The following ANKRD22 variants were observed in gnomAD, a reference collection of about 807,000 sequenced individuals.
ANKRD22 encodes the protein ankyrin repeat domain-containing protein 22.
ANKRD22 carries 24 observed loss-of-function variants against 25.7 expected under a neutral mutation model. That is an observed-to-expected ratio of 0.93 (90% CI 0.68 to 1.31). ANKRD22 has a LOEUF of 1.31. Ranked by LOEUF, ANKRD22 falls within the 50% of genes most tolerant of loss-of-function variation. ANKRD22 has a pLI of 0.00. For synonymous variants in ANKRD22, 84 were observed against 84.3 expected, an observed-to-expected ratio of 1.00 and a Z score of 0.02; for missense variants, 214 against 227.1, an observed-to-expected ratio of 0.94 and a Z score of 0.37.
rs1228977834 is a variant in ANKRD22 at position 88,822,863 on chromosome 10, C to A, written c.*78G>T. ...ATGGTGGCATCCAGGTTAAATGGCC[C>A]ACAGACCAAAAGTCTAAAATGAAGA... On this transcript the variant is annotated 3_prime_UTR_variant, in exon 6 of 6. Coordinates refer to ENST00000371930, the MANE Select transcript of ANKRD22 (RefSeq NM_144590.3). 1.5e-6 allele frequency: 2 copies of A among 1,352,646 alleles called. No homozygotes were observed. Among genetic ancestry groups the A allele is most frequent in the Admixed American group, 1.8e-5 (1 of 55,008 alleles). 83.8% of individuals were successfully genotyped at this position (1,352,646 alleles called of 1,614,324 possible). A position where few individuals can be genotyped will look rare whatever the true frequency, so the allele number is the denominator to read the frequency against.
chr10:88,829,310 G>A (rs925739669), intron 2 of ANKRD22, among the ~76,000 whole-genome samples: 24 of 152,344 alleles, frequency 1.6e-4, no homozygotes, highest in East Asian at 1.9e-4. Context: ...AAATCAGTAA[G>A]AGGAGAGGGA....
intron 1 of ANKRD22, among the ~76,000 whole-genome samples, chr10:88,834,928 C>CAAAAAAAGAA (rs1843939410): frequency 6.7e-6 from 1 of 149,438 alleles, no homozygotes; most frequent in Non-Finnish European, 1.5e-5. Context: ...AACTCTGCCT[C>CAAAAAAAGAA]AAAAAAAGAA....
chr10:88,820,619 C>T lies in ANKRD22; in HGVS notation c.*2322G>A, dbSNP rs143601234. Reference sequence around the variant, plus strand: ...CATTTTTCAGATTCCCTGCACTTGGCACTAAATCCGACACTTACATTTACA... The same window carrying T: ...CATTTTTCAGATTCCCTGCACTTGGTACTAAATCCGACACTTACATTTACA... On this transcript the variant is annotated 3_prime_UTR_variant, in exon 6 of 6. Coordinates refer to ENST00000371930, the MANE Select transcript of ANKRD22 (RefSeq NM_144590.3). 4 of 990,992 alleles carry T rather than the reference C, an allele frequency of 4.0e-6. No individual in the cohort carries two copies. The highest frequency in any genetic ancestry group is 3.3e-5 in the African/African-American group (2 of 61,276). The allele number at this position is 990,992 out of a possible 1,614,324, so 61.4% of individuals were successfully genotyped here.
At chr10:88,847,892 C>G (rs1346329933) in intron 1 of ANKRD22, among the ~76,000 whole-genome samples, 1 of 151,882 alleles carries the variant, frequency 6.6e-6, no homozygotes, top group African/African-American at 2.4e-5. Context: ...ATTTTTTACC[C>G]TTTGTGGACT....
At chr10:88,839,201 C>G (rs1450842988) in intron 1 of ANKRD22, among the ~76,000 whole-genome samples, 2 of 152,140 alleles carry the variant, frequency 1.3e-5, no homozygotes, top group Non-Finnish European at 2.9e-5. Flanking sequence ...TGAATCACCT[C>G]CTCAGAGAGG....
intron 4 of ANKRD22, among the ~76,000 whole-genome samples, chr10:88,825,007 T>TCACACA (rs568461484): frequency 0.028 from 3,251 of 115,294 alleles, 57 homozygotes; most frequent in South Asian, 0.097. Flanking sequence ...TCTCTCTCTC[T>TCACACA]CTCTCACACA....
intron 1 of ANKRD22, among the ~76,000 whole-genome samples, chr10:88,832,587 G>A (rs1247677343): frequency 6.6e-6 from 1 of 150,898 alleles, no homozygotes. Flanking sequence ...CAAGCATATG[G>A]GGAGGAGTTT....
intron 1 of ANKRD22, among the ~76,000 whole-genome samples, chr10:88,850,151 G>A (rs1438277075): frequency 2.6e-5 from 4 of 151,682 alleles, no homozygotes; most frequent in African/African-American, 9.7e-5. Context: ...AGTAGGCTAT[G>A]TTTAAATATT....
At chr10:88,824,225 T>A (rs943198121) in intron 4 of ANKRD22, among the ~76,000 whole-genome samples, 1 of 152,222 alleles carries the variant, frequency 6.6e-6, no homozygotes, top group African/African-American at 2.4e-5. Context: ...TCTACTCTGT[T>A]GGTACTAATT....
At chr10:88,834,092 C>T (rs895376788) in intron 1 of ANKRD22, among the ~76,000 whole-genome samples, 1 of 152,184 alleles carries the variant, frequency 6.6e-6, no homozygotes, top group African/African-American at 2.4e-5. Flanking sequence ...TGCTGGAGTC[C>T]AGGGTTATGT....
intron 2 of ANKRD22, 110 bp downstream of exon 2, chr10:88,831,725 G>T: frequency 9.1e-7 from 1 of 1,098,882 alleles, no homozygotes; most frequent in East Asian, 2.6e-5. Flanking sequence ...ATAATTGTTC[G>T]TATTAGGAGC....
chr10:88,825,983 A>G, intron 4 of ANKRD22, 55 bp downstream of exon 4: 2 of 1,386,762 alleles, frequency 1.4e-6, no homozygotes, highest in Non-Finnish European at 2.0e-6. Context: ...CAAATACGCT[A>G]CCTACAAATA....
chr10:88,827,346 A>G (rs1843864910), intron 3 of ANKRD22, among the ~76,000 whole-genome samples: 1 of 152,226 alleles, frequency 6.6e-6, no homozygotes, highest in Non-Finnish European at 1.5e-5. Flanking sequence ...ACTAGAGTTG[A>G]GCTATTCATT....
intron 3 of ANKRD22, among the ~76,000 whole-genome samples, chr10:88,826,876 T>C (rs1843860713): frequency 6.6e-6 from 1 of 152,246 alleles, no homozygotes; most frequent in Admixed American, 6.5e-5. Flanking sequence ...TAAAAAACTA[T>C]GCCTATTTTG....
chr10:88,820,924 T>C lies in ANKRD22; in HGVS notation c.*2017A>G. ...AAATAAGCTAGACATTTTCACCTTG[T>C]TGCCACAGAGACATAACACTACCTC... is the stretch of plus-strand genomic sequence containing the variant. On this transcript the variant is annotated 3_prime_UTR_variant, in exon 6 of 6. Transcript: ENST00000371930. Among the ~76,000 whole-genome samples, 1 of 152,342 alleles carries C rather than the reference T, an allele frequency of 6.6e-6. No individual in the cohort carries two copies. The highest frequency in any genetic ancestry group is 1.9e-4 in the East Asian group (1 of 5,186).
At chr10:88,823,598 C>T (rs930320414) in intron 4 of ANKRD22, 59 of 429,202 alleles carry the variant, frequency 1.4e-4, no homozygotes, top group South Asian at 6.0e-4. Flanking sequence ...GAGGCCGAGG[C>T]GGGCGGATCA....
intron 2 of ANKRD22, among the ~76,000 whole-genome samples, chr10:88,830,742 C>T (rs1843895609): frequency 6.6e-6 from 1 of 152,192 alleles, no homozygotes; most frequent in Non-Finnish European, 1.5e-5. Flanking sequence ...CTCAGCCTTG[C>T]CCATGGGCTA....
At chr10:88,834,877 C>T (rs925528673) in intron 1 of ANKRD22, among the ~76,000 whole-genome samples, 4 of 151,776 alleles carry the variant, frequency 2.6e-5, no homozygotes, top group African/African-American at 4.8e-5. Context: ...GGCAGTGAGC[C>T]GAAATCGCGC....
chr10:88,820,524 AG>A lies in ANKRD22; in HGVS notation c.*2416del. The A allele has an allele frequency of 6.5e-7, 1 of 1,542,664 alleles. No individual in the cohort carries two copies. The highest frequency in any genetic ancestry group is 1.2e-5 in the South Asian group (1 of 83,230). On this transcript the variant is annotated 3_prime_UTR_variant, in exon 6 of 6. Coordinates refer to ENST00000371930, the MANE Select transcript of ANKRD22 (RefSeq NM_144590.3). ...TGAAGCATCTGACACTGACGATCTT[AG>A]GACAACCTCCTGAGGGATGGGGCTA... is the stretch of plus-strand genomic sequence containing the variant.
Sources: gnomAD v4.1 joint callset for allele counts (sites outside exome capture counted in the v4.1 genomes callset) on GRCh38, gnomAD v4.1.1 for gene constraint, MANE v1.5 for transcripts, NCBI Gene and HGNC (gene_info 2026-07-23, HGNC 2026-07-21) for gene names.